Variants in SNTG1 observed in about 807,000 individuals in gnomAD.
SNTG1 encodes the protein syntrophin gamma 1, also known as gamma-1-syntrophin.
SNTG1 carries 39 observed loss-of-function variants against 74.7 expected under a neutral mutation model. The observed-to-expected ratio is 0.52, with a 90% CI of 0.40 to 0.68. SNTG1 has a LOEUF of 0.68. Among genes scored for constraint, SNTG1 ranks in the 30% least tolerant of loss-of-function variants. The probability of loss-of-function intolerance (pLI) is 0.00; values close to 1 mark genes in which losing one functional copy is unlikely to be tolerated. For missense variants in SNTG1, 685 were observed against 609.5 expected (o/e 1.12, Z -1.30); for synonymous variants, 254 against 217.1 (o/e 1.17, Z -1.49).
Position 50,333,272 on chromosome 8 carries a change from T to C in SNTG1, c.-27-60940T>C, listed in dbSNP as rs1426336264. Among the ~76,000 whole-genome samples, 2 of 152,214 alleles carry C rather than the reference T, an allele frequency of 1.3e-5. 1 individual carries two copies. Among genetic ancestry groups the C allele is most frequent in the Non-Finnish European group, 2.9e-5 (2 of 68,044 alleles). Reference sequence around the variant, plus strand: ...AAGTGTCTACCTCACAGGTTTGCCATAGAGATTAAATGAATTAACCATTAT... The same window carrying C: ...AAGTGTCTACCTCACAGGTTTGCCACAGAGATTAAATGAATTAACCATTAT... On this transcript the variant is annotated intron_variant, in intron 2 of 18. Coordinates refer to ENST00000642720, the MANE Select transcript of SNTG1 (RefSeq NM_018967.5).
chr8:50,580,371 A>G (rs922057521), intron 12 of SNTG1, among the ~76,000 whole-genome samples: 1 of 152,144 alleles, frequency 6.6e-6, no homozygotes. Context: ...CTTTTGAGTT[A>G]ATGCTGGAAT....
At chr8:50,388,621 A>G (rs2092610276) in intron 2 of SNTG1, among the ~76,000 whole-genome samples, 1 of 152,154 alleles carries the variant, frequency 6.6e-6, no homozygotes, top group Non-Finnish European at 1.5e-5. Context: ...AGCAAGTCTA[A>G]AATCTACATC....
intron 2 of SNTG1, among the ~76,000 whole-genome samples, chr8:50,201,827 A>G (rs974064868): frequency 1.3e-5 from 2 of 151,972 alleles, no homozygotes; most frequent in African/African-American, 4.8e-5. Flanking sequence ...AATGACCTCA[A>G]CTCTCTAATC....
intron 17 of SNTG1, among the ~76,000 whole-genome samples, chr8:50,730,321 A>G (rs1389056726): frequency 1.3e-5 from 2 of 152,210 alleles, no homozygotes; most frequent in Non-Finnish European, 2.9e-5. Flanking sequence ...GTGAAAAAGA[A>G]CACTGCTATT....
chr8:50,133,095 C>A (rs1563639874), intron 1 of SNTG1, among the ~76,000 whole-genome samples: 1 of 152,160 alleles, frequency 6.6e-6, no homozygotes. Flanking sequence ...CTATAAGAAG[C>A]AAGGACGAGC....
At chr8:49,948,261 T>C (rs1809388540) in intron 1 of SNTG1, among the ~76,000 whole-genome samples, 1 of 152,246 alleles carries the variant, frequency 6.6e-6, no homozygotes, top group African/African-American at 2.4e-5. Context: ...AAATCTAACA[T>C]TAACTCAATT....
At chr8:50,095,936 T>C (rs2079909660) in intron 1 of SNTG1, among the ~76,000 whole-genome samples, 1 of 150,688 alleles carries the variant, frequency 6.6e-6, no homozygotes, top group African/African-American at 2.5e-5. Context: ...AATGTGAAAA[T>C]TATCAGAACA....
intron 8 of SNTG1, among the ~76,000 whole-genome samples, chr8:50,497,180 G>GA (rs556363985): frequency 1.3e-5 from 2 of 151,442 alleles, no homozygotes; most frequent in East Asian, 3.9e-4. Flanking sequence ...ACTTATACTT[G>GA]AAAAAAACTT....
chr8:50,133,421 TC>T (rs1412223095), intron 1 of SNTG1, among the ~76,000 whole-genome samples: 2 of 152,152 alleles, frequency 1.3e-5, no homozygotes, highest in Admixed American at 1.3e-4. Context: ...CAAAGCCACT[TC>T]CACATTTTTA....
At chr8:50,619,720 G>C (rs1157085421) in intron 13 of SNTG1, among the ~76,000 whole-genome samples, 1 of 136,088 alleles carries the variant, frequency 7.3e-6, no homozygotes, top group Non-Finnish European at 1.5e-5. Context: ...GACAGAGCGA[G>C]ACTCCGTCTC....
intron 1 of SNTG1, among the ~76,000 whole-genome samples, chr8:50,030,931 A>G (rs548940535): frequency 1.3e-5 from 2 of 152,082 alleles, no homozygotes; most frequent in East Asian, 3.9e-4. Flanking sequence ...TTTGTAGAGA[A>G]TTGACATATT....
Position 49,935,202 on chromosome 8 carries a change from AGTGTGTGTGTGT to A in SNTG1, c.-103+22998_-103+23009del, listed in dbSNP as rs140067006. Among the ~76,000 whole-genome samples, 221 of 133,882 alleles carry A rather than the reference AGTGTGTGTGTGT, an allele frequency of 1.7e-3. 1 individual carries two copies. The highest frequency in any genetic ancestry group is 5.8e-3 in the African/African-American group (210 of 36,328). 87.8% of individuals were successfully genotyped at this position (133,882 alleles called of 152,430 possible). A position where few individuals can be genotyped will look rare whatever the true frequency, so the allele number is the denominator to read the frequency against. On this transcript the variant is annotated intron_variant, in intron 1 of 18. Coordinates refer to ENST00000642720, the MANE Select transcript of SNTG1 (RefSeq NM_018967.5). The stretch of plus-strand genomic sequence containing the variant: ...TGGAATGAGACAGCAGCCAAGCAGA[AGTGTGTGTGTGT>A]GTGTGTGTGTGTGTGTGTGTGTGTG...
intron 15 of SNTG1, among the ~76,000 whole-genome samples, chr8:50,684,663 T>C (rs1415545256): frequency 6.6e-6 from 1 of 151,882 alleles, no homozygotes; most frequent in Non-Finnish European, 1.5e-5. Flanking sequence ...TAAGAAATTA[T>C]CATATAAAAA....
intron 2 of SNTG1, among the ~76,000 whole-genome samples, chr8:50,211,257 G>C (rs765122809): frequency 6.6e-6 from 1 of 152,028 alleles, no homozygotes; most frequent in Non-Finnish European, 1.5e-5. Flanking sequence ...ATATTAAAAG[G>C]TCTGCTTAAC....
intron 2 of SNTG1, among the ~76,000 whole-genome samples, chr8:50,281,880 C>T (rs2088478988): frequency 6.6e-6 from 1 of 152,068 alleles, no homozygotes; most frequent in Non-Finnish European, 1.5e-5. Flanking sequence ...TGAGATATAG[C>T]AAATACAAGT....
intron 9 of SNTG1, among the ~76,000 whole-genome samples, chr8:50,508,288 T>A (rs373663782): frequency 6.6e-6 from 1 of 152,230 alleles, no homozygotes; most frequent in East Asian, 1.9e-4. Flanking sequence ...CCATGGTGTA[T>A]ATGTGCCACA....
intron 18 of SNTG1, among the ~76,000 whole-genome samples, chr8:50,752,736 A>G (rs1159456052): frequency 1.3e-5 from 2 of 152,006 alleles, no homozygotes; most frequent in African/African-American, 2.4e-5. Context: ...AGGGCTAAGA[A>G]GCCTTAGCCT....
At chr8:50,279,135 C>A (rs770575867) in intron 2 of SNTG1, among the ~76,000 whole-genome samples, 13 of 151,980 alleles carry the variant, frequency 8.6e-5, no homozygotes, top group Non-Finnish European at 1.8e-4. Context: ...TGCAGAAAAC[C>A]ATGGTCGACA....
intron 1 of SNTG1, among the ~76,000 whole-genome samples, chr8:50,131,804 C>G (rs2081328178): frequency 6.6e-6 from 1 of 151,978 alleles, no homozygotes. Flanking sequence ...CGTTTCCCAC[C>G]AACAAGGATG....
Sources: gnomAD v4.1 joint callset for allele counts (sites outside exome capture counted in the v4.1 genomes callset) on GRCh38, gnomAD v4.1.1 for gene constraint, MANE v1.5 for transcripts, NCBI Gene and HGNC (gene_info 2026-07-23, HGNC 2026-07-21) for gene names.